RELN: variants seen among roughly 807,000 people sequenced by gnomAD.
RELN encodes the protein reelin.
Under a neutral mutation model 427.6 loss-of-function variants are expected in RELN, and 108 were observed. The observed-to-expected ratio is 0.25, with a 90% CI of 0.22 to 0.30. The LOEUF (loss-of-function observed/expected upper bound fraction) is 0.30. Among genes scored for constraint, RELN ranks in the 10% least tolerant of loss-of-function variants. RELN has a pLI of 1.00. For missense variants in RELN, 3,715 were observed against 4,302.8 expected, an observed-to-expected ratio of 0.86 and a Z score of 3.82; for synonymous variants, 1,524 against 1,513.4, an observed-to-expected ratio of 1.01 and a Z score of -0.16.
At chr7:103,738,546 T>G (rs1367331071) in intron 6 of RELN, among the ~76,000 whole-genome samples, 1 of 151,996 alleles carries the variant, frequency 6.6e-6, no homozygotes, top group African/African-American at 2.4e-5. Context: ...CTCATGCCCT[T>G]TACCAGTCAA....
intron 3 of RELN, 91 bp downstream of exon 3, chr7:103,833,446 A>G: frequency 8.1e-7 from 1 of 1,231,456 alleles, no homozygotes; most frequent in African/African-American, 1.5e-5. Flanking sequence ...CTGTCAAAAT[A>G]AAACACTTAA....
chr7:103,799,066 T>A (rs139041277), intron 3 of RELN, among the ~76,000 whole-genome samples: 156 of 152,298 alleles, frequency 1.0e-3, no homozygotes, highest in African/African-American at 3.4e-3. Context: ...TGGGTTGCCA[T>A]GAGAGCCACA....
At chr7:103,780,542 C>T (rs1258495936) in intron 3 of RELN, among the ~76,000 whole-genome samples, 2 of 151,988 alleles carry the variant, frequency 1.3e-5, no homozygotes, top group Non-Finnish European at 1.5e-5. Context: ...CTGATCTTCT[C>T]CCTACTCCCA....
chr7:103,872,711 C>A (rs1170680540), intron 2 of RELN, among the ~76,000 whole-genome samples: 1 of 147,714 alleles, frequency 6.8e-6, no homozygotes, highest in Non-Finnish European at 1.5e-5. Flanking sequence ...TTCTCCACAT[C>A]CTCTCCAGCA....
At chr7:103,951,808 G>T (rs1235386554) in intron 1 of RELN, among the ~76,000 whole-genome samples, 2 of 152,186 alleles carry the variant, frequency 1.3e-5, no homozygotes, top group African/African-American at 4.8e-5. Context: ...AAGTAGTTGG[G>T]ATTACAGGCA....
intron 2 of RELN, among the ~76,000 whole-genome samples, chr7:103,852,045 G>T (rs114969221): frequency 0.016 from 2,498 of 152,216 alleles, 60 homozygotes; most frequent in African/African-American, 0.057. Context: ...TGAGATTTGG[G>T]AGTTAATTTG....
chr7:103,882,392 T>A (rs1490394784), intron 2 of RELN, among the ~76,000 whole-genome samples: 1 of 152,204 alleles, frequency 6.6e-6, no homozygotes, highest in Non-Finnish European at 1.5e-5. Context: ...TATCTTTGAA[T>A]GGGATAATTA....
At chr7:103,726,226 A>G (rs1790207863) in intron 7 of RELN, among the ~76,000 whole-genome samples, 1 of 152,196 alleles carries the variant, frequency 6.6e-6, no homozygotes, top group Admixed American at 6.5e-5. Flanking sequence ...GGTACAATGT[A>G]TATTTTTGCT....
intron 6 of RELN, among the ~76,000 whole-genome samples, chr7:103,731,401 G>C (rs190683310): frequency 2.6e-4 from 40 of 152,186 alleles, no homozygotes; most frequent in African/African-American, 9.2e-4. Flanking sequence ...ACCTCACAAA[G>C]GCTTCATGTG....
Position 103,775,686 on chromosome 7 carries a change from G to A in RELN, c.544+871C>T, listed in dbSNP as rs373378049. Among the ~76,000 whole-genome samples, 4 of 152,032 alleles carry A rather than the reference G, an allele frequency of 2.6e-5. No homozygotes were observed. In the East Asian group the frequency reaches 7.7e-4, roughly 29 times the overall value. On this transcript the variant is annotated intron_variant, in intron 4 of 64. Coordinates refer to ENST00000428762, the MANE Select transcript of RELN (RefSeq NM_005045.4). ...ATGAAAATGGCATGACATTTACAAA[G>A]ACTGACATAAAATGTTTTCATTATC... is the stretch of plus-strand genomic sequence containing the variant.
At chr7:103,814,016 T>C (rs574586697) in intron 3 of RELN, among the ~76,000 whole-genome samples, 4 of 152,214 alleles carry the variant, frequency 2.6e-5, no homozygotes, top group Non-Finnish European at 5.9e-5. Context: ...TCTCTACCTT[T>C]ACATATATAG....
chr7:103,699,463 A>G (rs1353436444), intron 9 of RELN, among the ~76,000 whole-genome samples: 2 of 152,148 alleles, frequency 1.3e-5, no homozygotes, highest in South Asian at 2.1e-4. Context: ...GGTAAGGGAA[A>G]TTTGCATTGG....
chr7:103,553,518 C>T lies in RELN; in HGVS notation c.6015G>A (p.Glu2005=), dbSNP rs1287656164. 2 of 1,614,040 alleles carry T rather than the reference C, an allele frequency of 1.2e-6. No individual in the cohort carries two copies. The highest frequency in any genetic ancestry group is 1.7e-5 in the Admixed American group (1 of 60,018). Residue 2005 remains glutamate, a synonymous_variant, in exon 40 of 65, where the codon GAG becomes GAA. Transcript: ENST00000428762. Reference sequence around the variant, plus strand: ...TTAGGTCACGGGTGGTAATGGAATGCTCACCAACTTCATTTGAAACAAACA... The same window carrying T: ...TTAGGTCACGGGTGGTAATGGAATGTTCACCAACTTCATTTGAAACAAACA... ...AMVFVSNEVG[E]HSITTRDLNV...
chr7:103,852,345 T>C (rs1322638549), intron 2 of RELN, among the ~76,000 whole-genome samples: 2 of 152,156 alleles, frequency 1.3e-5, no homozygotes, highest in Non-Finnish European at 2.9e-5. Flanking sequence ...ATAGTAGTAG[T>C]CAAGAACAAA....
intron 20 of RELN, among the ~76,000 whole-genome samples, chr7:103,618,098 G>A (rs530439869): frequency 3.3e-5 from 5 of 152,210 alleles, no homozygotes; most frequent in Non-Finnish European, 5.9e-5. Context: ...ACCCAGCCTC[G>A]GGTAATCTTT....
At chr7:103,473,627 A>G (rs75776774) in intron 64 of RELN, among the ~76,000 whole-genome samples, 4,180 of 152,318 alleles carry the variant, frequency 0.027, 87 homozygotes, top group Non-Finnish European at 0.041. Context: ...ATGTACATAC[A>G]CACATTTATA....
intron 31 of RELN, among the ~76,000 whole-genome samples, chr7:103,570,916 T>C (rs943917260): frequency 6.6e-6 from 1 of 152,202 alleles, no homozygotes; most frequent in African/African-American, 2.4e-5. Flanking sequence ...GGTGATATTG[T>C]ATCAATAAAA....
At chr7:103,668,005 G>A (rs777235137) in intron 11 of RELN, among the ~76,000 whole-genome samples, 18 of 152,170 alleles carry the variant, frequency 1.2e-4, no homozygotes, top group Admixed American at 2.0e-4. Context: ...CAAGGTGGGC[G>A]GATCACTTGA....
Position 103,969,148 on chromosome 7 carries a change from C to CAAA in RELN, c.226+19980_226+19982dup, listed in dbSNP as rs5886293. The stretch of plus-strand genomic sequence containing the variant: ...CTCATAAAACAGAGGTTTGCATTTG[C>CAAA]AAAAAAAAAATGCATTTAAGATTAA... On this transcript the variant is annotated intron_variant, in intron 1 of 64. Transcript: ENST00000428762. Among the ~76,000 whole-genome samples the CAAA allele has an allele frequency of 5.7e-3, 862 of 150,410 alleles. 12 individuals carry two copies. Among genetic ancestry groups the CAAA allele is most frequent in the African/African-American group, 0.02 (811 of 41,162 alleles).
Sources: allele counts gnomAD v4.1 joint callset (sites outside exome capture counted in the v4.1 genomes callset), GRCh38; gene constraint gnomAD v4.1.1; transcripts MANE v1.5; gene names NCBI Gene and HGNC (gene_info 2026-07-23, HGNC 2026-07-21).